The following OSBP2 variants were observed in gnomAD, a reference collection of about 807,000 sequenced individuals.
OSBP2 encodes the protein oxysterol-binding protein 2.
Under a neutral mutation model 96.0 loss-of-function variants are expected in OSBP2, and 66 were observed. The ratio of observed to expected loss-of-function variants is 0.69; its 90% CI spans 0.56 to 0.84. The LOEUF (loss-of-function observed/expected upper bound fraction) is 0.84, where lower values mean the gene tolerates loss of function less well. Among genes scored for constraint, OSBP2 ranks in the 40% least tolerant of loss-of-function variants. The pLI, the probability that OSBP2 is intolerant of heterozygous loss-of-function variation, is 0.00. For synonymous variants in OSBP2, 525 were observed against 520.9 expected (o/e 1.01, Z -0.11); for missense variants, 1,038 against 1,222.7 (o/e 0.85, Z 2.25).
At position 30,870,348 on chromosome 22, in the gene OSBP2, G is replaced by A; in HGVS notation, c.854-81G>A. 6.9e-7 allele frequency: 1 copy of A among 1,440,050 alleles called. No individual in the cohort carries two copies. The highest frequency in any genetic ancestry group is 9.6e-7 in the Non-Finnish European group (1 of 1,041,804). The allele number at this position is 1,440,050 out of a possible 1,614,324, so 89.2% of individuals were successfully genotyped here. ...TTTTTTGAATGGCGCTATCCACCCT[G>A]CCCTGCTCGGCCTGGCTGTGCAGGC... On this transcript the variant is annotated intron_variant, in intron 2 of 13. Coordinates refer to ENST00000332585, the MANE Select transcript of OSBP2 (RefSeq NM_030758.4). The surrounding 1 kb of genome is among the most constrained non-coding windows in gnomAD (Gnocchi z 4.1).
rs150714329 is a variant in OSBP2 at position 30,896,887 on chromosome 22, A to T, written c.2375+2886A>T. ...GATTTCAAACTCCTGGCCTCAAGTG[A>T]TCCTCCAGCCTCAGCCTCTCAAAGT... On this transcript the variant is annotated intron_variant, in intron 12 of 13. Coordinates refer to ENST00000332585, the MANE Select transcript of OSBP2 (RefSeq NM_030758.4). 5.9e-3 allele frequency among the ~76,000 whole-genome samples: 903 copies of T among 152,228 alleles called. 6 individuals carry two copies. The highest frequency in any genetic ancestry group is 0.02 in the African/African-American group (844 of 41,514).
chr22:30,716,491 G>A (rs957687642), intron 1 of OSBP2, among the ~76,000 whole-genome samples: 2 of 151,888 alleles, frequency 1.3e-5, no homozygotes, highest in African/African-American at 2.4e-5. Context: ...GGGCTGGAGT[G>A]CAATGGCTCA....
chr22:30,901,253 G>A (rs2040187293), intron 12 of OSBP2, among the ~76,000 whole-genome samples: 1 of 152,082 alleles, frequency 6.6e-6, no homozygotes, highest in Non-Finnish European at 1.5e-5. Context: ...ATTTTTAGTA[G>A]AGATGGAGTT....
intron 1 of OSBP2, among the ~76,000 whole-genome samples, chr22:30,708,459 A>C (rs1311216262): frequency 7.4e-6 from 1 of 135,564 alleles, no homozygotes; most frequent in Non-Finnish European, 1.6e-5. Flanking sequence ...ATTTCAGTAT[A>C]TATCTCTAAA....
chr22:30,704,664 C>A (rs2089220839), intron 1 of OSBP2, among the ~76,000 whole-genome samples: 1 of 152,038 alleles, frequency 6.6e-6, no homozygotes. Context: ...TGGAGTTTCA[C>A]CATGTTGGCC....
At position 30,889,050 on chromosome 22, in the gene OSBP2, A is replaced by G. The variant is rs1032902108; in HGVS notation, c.1419-127A>G. 19 of 750,908 alleles carry G rather than the reference A, an allele frequency of 2.5e-5. No individual in the cohort carries two copies. In the African/African-American group the frequency reaches 3.2e-4, roughly 13 times the overall value. The allele number at this position is 750,908 out of a possible 1,614,324, so 46.5% of individuals were successfully genotyped here. On this transcript the variant is annotated intron_variant, in intron 5 of 13. Coordinates refer to ENST00000332585, the MANE Select transcript of OSBP2 (RefSeq NM_030758.4). ...GTTATTGCGGTGCCTGTCTACACAC[A>G]GAACACACGGCAGTGACCAGGACAT...
At chr22:30,841,918 C>A (rs879819049) in intron 2 of OSBP2, among the ~76,000 whole-genome samples, 1 of 152,024 alleles carries the variant, frequency 6.6e-6, no homozygotes, top group Non-Finnish European at 1.5e-5. Flanking sequence ...TGCATTCTAG[C>A]CTGGGTAATA....
intron 2 of OSBP2, among the ~76,000 whole-genome samples, chr22:30,743,394 G>C (rs1002472929): frequency 6.6e-6 from 1 of 152,186 alleles, no homozygotes; most frequent in Non-Finnish European, 1.5e-5. Flanking sequence ...TTCTCCCTGA[G>C]GTGTCAGCAC....
chr22:30,780,685 A>G (rs2090506517), intron 2 of OSBP2, among the ~76,000 whole-genome samples: 1 of 151,826 alleles, frequency 6.6e-6, no homozygotes, highest in Non-Finnish European at 1.5e-5. Context: ...TTTAGTAGAG[A>G]CAGTGTTTTG....
intron 1 of OSBP2, among the ~76,000 whole-genome samples, chr22:30,720,459 C>T (rs564679156): frequency 2.0e-5 from 3 of 152,214 alleles, no homozygotes; most frequent in Admixed American, 6.5e-5. Flanking sequence ...AAGGGCCGCT[C>T]GAGTGTCCTC....
intron 3 of OSBP2, among the ~76,000 whole-genome samples, chr22:30,874,236 C>CA (rs1040231164): frequency 1.3e-5 from 2 of 150,830 alleles, no homozygotes; most frequent in Admixed American, 6.6e-5. Flanking sequence ...GACTCTGTCT[C>CA]AAAAAAACAA....
Position 30,694,921 on chromosome 22 carries a change from G to A in OSBP2, c.12G>A (p.Ala4=). Residue 4 remains alanine, a synonymous_variant, in exon 1 of 14, where the codon GCG becomes GCA. Coordinates refer to ENST00000332585, the MANE Select transcript of OSBP2 (RefSeq NM_030758.4). The part of the protein sequence containing the change: MGK[A]AAPSRGGGCG... ...GGTCGGCCGGCTCTATGGGGAAAGC[G>A]GCGGCTCCGAGCCGAGGCGGCGGCT... The A allele has an allele frequency of 6.9e-7, 1 of 1,447,596 alleles. No individual in the cohort carries two copies. The highest frequency in any genetic ancestry group is 9.0e-7 in the Non-Finnish European group (1 of 1,106,618). The allele number at this position is 1,447,596 out of a possible 1,614,324, so 89.7% of individuals were successfully genotyped here.
chr22:30,803,127 TCG>T, intron 2 of OSBP2: 1 of 203,788 alleles, frequency 4.9e-6, no homozygotes, highest in Non-Finnish European at 9.7e-6. Flanking sequence ...GCAAGAGCCC[TCG>T]CAGCCTCGGG....
At chr22:30,889,097 T>C in intron 5 of OSBP2, 80 bp from the exon 6 acceptor site, 1 of 1,236,578 alleles carries the variant, frequency 8.1e-7, no homozygotes, top group Non-Finnish European at 1.1e-6. Flanking sequence ...GAAAATGATG[T>C]TGTCTGGAGA....
chr22:30,851,384 T>A (rs575679864), intron 2 of OSBP2, among the ~76,000 whole-genome samples: 1 of 152,188 alleles, frequency 6.6e-6, no homozygotes, highest in Non-Finnish European at 1.5e-5. Context: ...AATGTCATTT[T>A]CCAGTTGTTC....
intron 3 of OSBP2, among the ~76,000 whole-genome samples, chr22:30,884,980 G>T (rs1017292801): frequency 1.3e-5 from 2 of 152,222 alleles, no homozygotes; most frequent in Non-Finnish European, 2.9e-5. Flanking sequence ...AGAGGTCTGA[G>T]GAGTGGTGGG....
intron 3 of OSBP2, among the ~76,000 whole-genome samples, chr22:30,884,867 C>T (rs2039777034): frequency 6.6e-6 from 1 of 152,204 alleles, no homozygotes; most frequent in African/African-American, 2.4e-5. Flanking sequence ...GCTGCTGATT[C>T]AGGGGCATTC....
intron 2 of OSBP2, among the ~76,000 whole-genome samples, chr22:30,754,851 G>A (rs1354226689): frequency 1.3e-5 from 2 of 152,180 alleles, no homozygotes; most frequent in Admixed American, 1.3e-4. Flanking sequence ...TCTTGGGGCT[G>A]CCCTTGCCCC....
intron 3 of OSBP2, among the ~76,000 whole-genome samples, chr22:30,876,446 G>A (rs555404534): frequency 1.8e-4 from 27 of 152,366 alleles, no homozygotes; most frequent in Admixed American, 9.1e-4. Context: ...ACTCCTTGCC[G>A]TCCCCCTCAG....
Sources: gnomAD v4.1 joint callset for allele counts (sites outside exome capture counted in the v4.1 genomes callset) on GRCh38, gnomAD v4.1.1 for gene constraint, Gnocchi (gnomAD v3.1) non-coding constraint, MANE v1.5 for transcripts, NCBI Gene and HGNC (gene_info 2026-07-23, HGNC 2026-07-21) for gene names.